CADPS: variants seen among roughly 807,000 people sequenced by gnomAD.
CADPS encodes calcium-dependent secretion activator 1.
In CADPS, 57 loss-of-function variants were observed where a neutral mutation model predicts 167.3. The ratio of observed to expected loss-of-function variants is 0.34; its 90% CI spans 0.28 to 0.42. The LOEUF is 0.42. Among genes scored for constraint, CADPS ranks in the 20% least tolerant of loss-of-function variants. The pLI, the probability that CADPS is intolerant of heterozygous loss-of-function variation, is 1.00. For synonymous variants in CADPS, 676 were observed against 635.3 expected, an observed-to-expected ratio of 1.06 and a Z score of -0.96; for missense variants, 1,414 against 1,738.1, an observed-to-expected ratio of 0.81 and a Z score of 3.32.
chr3:62,854,141 A>C (rs1212029794), intron 1 of CADPS, among the ~76,000 whole-genome samples: 1 of 152,188 alleles, frequency 6.6e-6, no homozygotes, highest in African/African-American at 2.4e-5. Context: ...TCACCTCAGA[A>C]GGTTTTTAAA....
At chr3:62,685,004 G>A (rs1320563574) in intron 3 of CADPS, among the ~76,000 whole-genome samples, 2 of 149,188 alleles carry the variant, frequency 1.3e-5, no homozygotes, top group Non-Finnish European at 1.5e-5. Context: ...CTCTGTCCCT[G>A]AACTTATAGC....
At chr3:62,415,410 A>G (rs942038142) in intron 28 of CADPS, among the ~76,000 whole-genome samples, 1 of 151,994 alleles carries the variant, frequency 6.6e-6, no homozygotes, top group Non-Finnish European at 1.5e-5. Flanking sequence ...CATATTTTAC[A>G]TGTTACAGGA....
intron 6 of CADPS, among the ~76,000 whole-genome samples, chr3:62,608,148 C>T (rs143953432): frequency 6.6e-6 from 1 of 152,262 alleles, no homozygotes; most frequent in African/African-American, 2.4e-5. Flanking sequence ...ACACTGACCA[C>T]TGGGGCTATG....
At chr3:62,621,134 G>A (rs1488343845) in intron 6 of CADPS, among the ~76,000 whole-genome samples, 1 of 152,140 alleles carries the variant, frequency 6.6e-6, no homozygotes, top group Non-Finnish European at 1.5e-5. Context: ...TGAATTAAAA[G>A]ACAAATCTCT....
Position 62,438,066 on chromosome 3 carries a change from C to A in CADPS, c.3777+38G>T. 1 of 1,387,042 alleles carries A rather than the reference C, an allele frequency of 7.2e-7. No individual in the cohort carries two copies. The highest frequency in any genetic ancestry group is 1.0e-6 in the Non-Finnish European group (1 of 976,046). 85.9% of individuals were successfully genotyped at this position (1,387,042 alleles called of 1,614,324 possible). A position where few individuals can be genotyped will look rare whatever the true frequency, so the allele number is the denominator to read the frequency against. On this transcript the variant is annotated intron_variant, in intron 28 of 29. Coordinates refer to ENST00000383710, the MANE Select transcript of CADPS (RefSeq NM_003716.4). This position sits in a 1 kb window ranked among gnomAD's most constrained non-coding sequence, Gnocchi z 4.7. ...TATTTTGTCACATTTTGGAGGGTCTCCTCCTTGGTTTTCAAGGAGGAGAAG... is the reference window on the plus strand; with the variant it reads ...TATTTTGTCACATTTTGGAGGGTCTACTCCTTGGTTTTCAAGGAGGAGAAG...
rs556342366 is a variant in CADPS, at chr3:62,633,830, T to C, written c.1325+11892A>G. On this transcript the variant is annotated intron_variant, in intron 6 of 29. Coordinates refer to ENST00000383710, the MANE Select transcript of CADPS (RefSeq NM_003716.4). ...ATTTGGCCAAAGCCAAATATAGATGTCACTGAATAAACTTCTGAGGGTACA... is the reference window on the plus strand; with the variant it reads ...ATTTGGCCAAAGCCAAATATAGATGCCACTGAATAAACTTCTGAGGGTACA... Among the ~76,000 whole-genome samples, 14 of 152,274 alleles carry C rather than the reference T, an allele frequency of 9.2e-5. No individual in the cohort carries two copies. In the South Asian group the frequency reaches 2.1e-3, roughly 23 times the overall value.
At chr3:62,697,912 T>C (rs1488622199) in intron 3 of CADPS, among the ~76,000 whole-genome samples, 5 of 152,144 alleles carry the variant, frequency 3.3e-5, no homozygotes, top group African/African-American at 1.2e-4. Context: ...TTTTGAGAAA[T>C]GTCTATTCAT....
At chr3:62,699,854 GGCC>G (rs2081070513) in intron 3 of CADPS, among the ~76,000 whole-genome samples, 1 of 152,044 alleles carries the variant, frequency 6.6e-6, no homozygotes, top group Admixed American at 6.6e-5. Flanking sequence ...CACCGTGCCT[GGCC>G]TGTTTTTGTA....
At chr3:62,643,983 C>T (rs144545388) in intron 6 of CADPS, among the ~76,000 whole-genome samples, 42 of 152,278 alleles carry the variant, frequency 2.8e-4, no homozygotes, top group African/African-American at 5.8e-4. Flanking sequence ...GGAAGGGTGA[C>T]GTGTGACAAG....
chr3:62,756,638 CA>C (rs1425260126), intron 2 of CADPS, among the ~76,000 whole-genome samples: 1 of 152,186 alleles, frequency 6.6e-6, no homozygotes, highest in African/African-American at 2.4e-5. Flanking sequence ...CAAGGGTCCA[CA>C]AGAACCTATA....
chr3:62,811,563 ATCAT>A (rs1483142381), intron 1 of CADPS, among the ~76,000 whole-genome samples: 1 of 152,196 alleles, frequency 6.6e-6, no homozygotes, highest in African/African-American at 2.4e-5. Flanking sequence ...ATCCTATCCC[ATCAT>A]TCAAAGCCCA....
intron 3 of CADPS, among the ~76,000 whole-genome samples, chr3:62,749,054 A>C (rs1487533929): frequency 6.6e-6 from 1 of 152,178 alleles, no homozygotes; most frequent in African/African-American, 2.4e-5. Flanking sequence ...GCATCTTCCC[A>C]AGGGTCTATG....
At chr3:62,574,381 G>A (rs2081894693) in intron 8 of CADPS, among the ~76,000 whole-genome samples, 1 of 150,446 alleles carries the variant, frequency 6.6e-6, no homozygotes, top group South Asian at 2.1e-4. Flanking sequence ...AGGAAGCGGG[G>A]CAAGAGAGAA....
intron 3 of CADPS, among the ~76,000 whole-genome samples, chr3:62,737,550 C>A (rs1367544339): frequency 1.3e-5 from 2 of 152,084 alleles, no homozygotes; most frequent in Non-Finnish European, 2.9e-5. Flanking sequence ...ATCTTTCCTT[C>A]CACTGGGCAA....
intron 28 of CADPS, among the ~76,000 whole-genome samples, chr3:62,413,883 A>T (rs1189802554): frequency 9.8e-6 from 1 of 101,596 alleles, no homozygotes; most frequent in African/African-American, 3.3e-5. Context: ...ACACCCAAAC[A>T]TACTTTAAAA....
At chr3:62,826,005 T>C (rs950131622) in intron 1 of CADPS, among the ~76,000 whole-genome samples, 1 of 152,204 alleles carries the variant, frequency 6.6e-6, no homozygotes, top group Admixed American at 6.5e-5. Flanking sequence ...AGTCTTTCTA[T>C]GCACAGGCCA....
chr3:62,485,677 G>T (rs2062708850), intron 21 of CADPS, among the ~76,000 whole-genome samples: 2 of 152,170 alleles, frequency 1.3e-5, no homozygotes. Flanking sequence ...TTTTCAGCCT[G>T]TGTGGGTTCT....
At chr3:62,573,116 A>G (rs1341063434) in intron 8 of CADPS, among the ~76,000 whole-genome samples, 1 of 152,170 alleles carries the variant, frequency 6.6e-6, no homozygotes, top group Non-Finnish European at 1.5e-5. Context: ...TCTTGACCTC[A>G]GGTGATCTGG....
chr3:62,696,819 G>C (rs2080381406), intron 3 of CADPS, among the ~76,000 whole-genome samples: 1 of 151,990 alleles, frequency 6.6e-6, no homozygotes, highest in Non-Finnish European at 1.5e-5. Context: ...TGGCTGACCA[G>C]AATAGGATCA....
Sources: allele counts gnomAD v4.1 joint callset (sites outside exome capture counted in the v4.1 genomes callset), GRCh38; gene constraint gnomAD v4.1.1; non-coding constraint Gnocchi (gnomAD v3.1); transcripts MANE v1.5; gene names NCBI Gene and HGNC (gene_info 2026-07-23, HGNC 2026-07-21).